PHF19: variants seen among roughly 807,000 people sequenced by gnomAD.
The protein encoded by PHF19 is polycomb like 3.
In PHF19, 21 loss-of-function variants were observed where a neutral mutation model predicts 79.8. That is an observed-to-expected ratio of 0.26 (90% CI 0.19 to 0.38). The LOEUF (loss-of-function observed/expected upper bound fraction) is 0.38. Ranked by LOEUF, PHF19 falls within the 10% of genes least tolerant of loss-of-function variation. The probability of loss-of-function intolerance (pLI) is 1.00; values close to 1 mark genes in which losing one functional copy is unlikely to be tolerated. For missense variants in PHF19, 445 were observed against 744.2 expected (o/e 0.60, Z 4.68); for synonymous variants, 273 against 296.3 (o/e 0.92, Z 0.81).
At position 120,862,767 on chromosome 9, in the gene PHF19, G is replaced by A; in HGVS notation, c.969-18C>T. On this transcript the variant is annotated intron_variant, in intron 10 of 14. Transcript: ENST00000373896. This position sits in a 1 kb window ranked among gnomAD's most constrained non-coding sequence, Gnocchi z 4.6. ...AGAGGAACCTGGGGGTGGGCAGTGG[G>A]AGGAAGAAGCTCTGGAGTCTGTCAG... The A allele has an allele frequency of 6.2e-7, 1 of 1,613,544 alleles. No individual in the cohort carries two copies.
intron 1 of PHF19, among the ~76,000 whole-genome samples, chr9:120,875,248 G>A (rs993662198): frequency 1.3e-5 from 2 of 152,160 alleles, no homozygotes; most frequent in Non-Finnish European, 2.9e-5. Flanking sequence ...AAACTGGGTG[G>A]CTTGTAGCTA....
At chr9:120,903,515 G>C in the PHF19 span, 1 of 152,346 alleles carries the variant, frequency 6.6e-6, no homozygotes, top group Admixed American at 6.5e-5. Context: ...CATTTTTATA[G>C]AAGCAACCCT....
At chr9:120,859,214 G>T (rs1324061213) in intron 14 of PHF19, among the ~76,000 whole-genome samples, 1 of 150,630 alleles carries the variant, frequency 6.6e-6, no homozygotes, top group East Asian at 1.9e-4. Context: ...GACCTCTACA[G>T]GCATTATACC....
Position 120,872,037 on chromosome 9 carries a change from C to CAAAAAAAAAGAAAA in PHF19, c.269-1500_269-1499insTTTTCTTTTTTTTT, listed in dbSNP as rs2045912428. 7.5e-3 allele frequency among the ~76,000 whole-genome samples: 228 copies of CAAAAAAAAAGAAAA among 30,320 alleles called. 3 individuals carry two copies. The highest frequency in any genetic ancestry group is 0.012 in the African/African-American group (94 of 7,532). 19.9% of individuals were successfully genotyped at this position (30,320 alleles called of 152,430 possible). A position where few individuals can be genotyped will look rare whatever the true frequency, so the allele number is the denominator to read the frequency against. ...TGGGTGACAGAGCAAGACTCTGTCTCAAAAAAAAAAAAAAAAAAAAAAAAA... is the reference window on the plus strand; with the variant it reads ...TGGGTGACAGAGCAAGACTCTGTCTCAAAAAAAAAGAAAAAAAAAAAAAAAAAAAAAAAAAAAAA... On this transcript the variant is annotated intron_variant, in intron 3 of 14. Coordinates refer to ENST00000373896, the MANE Select transcript of PHF19 (RefSeq NM_015651.3).
At chr9:120,876,692 T>C (rs1011646419) in intron 1 of PHF19, among the ~76,000 whole-genome samples, 4 of 152,136 alleles carry the variant, frequency 2.6e-5, no homozygotes, top group African/African-American at 9.7e-5. Context: ...GGGAAAAAGC[T>C]TGCAGAAGCA....
chr9:120,879,915 T>C (rs983202097), upstream of PHF19, among the ~76,000 whole-genome samples: 27 of 152,124 alleles, frequency 1.8e-4, 1 homozygote, highest in African/African-American at 6.0e-4. Flanking sequence ...CTCAACCTTA[T>C]TGGCCACGTG....
chr9:120,881,139 TC>T (rs1226334772), upstream of PHF19, among the ~76,000 whole-genome samples: 3 of 99,254 alleles, frequency 3.0e-5, no homozygotes, highest in Non-Finnish European at 2.0e-5. Context: ...AGGAAGCACA[TC>T]GGGGGTTTGT....
rs146500745 is a variant in PHF19, at chr9:120,872,111, A to G, written c.269-1573T>C. 1.7e-3 allele frequency among the ~76,000 whole-genome samples: 255 copies of G among 148,066 alleles called. 2 individuals carry two copies. The highest frequency in any genetic ancestry group is 0.013 in the East Asian group (65 of 4,874). On this transcript the variant is annotated intron_variant, in intron 3 of 14. Coordinates refer to ENST00000373896, the MANE Select transcript of PHF19 (RefSeq NM_015651.3). The stretch of plus-strand genomic sequence containing the variant: ...TCTCTGTATCCCCAGGACCTCATAG[A>G]GTGTGGCATGTAACAGGTGTTCCAA...
chr9:120,875,340 A>G (rs1167295625), intron 1 of PHF19, among the ~76,000 whole-genome samples: 2 of 152,158 alleles, frequency 1.3e-5, no homozygotes, highest in East Asian at 3.8e-4. Flanking sequence ...CAATTCTGGG[A>G]CATTTAAACC....
Position 120,877,179 on chromosome 9 carries a change from C to G in PHF19, c.-104G>C, listed in dbSNP as rs961989343. 7.6e-5 allele frequency: 75 copies of G among 983,882 alleles called. No individual in the cohort carries two copies. The African/African-American group carries it at 1.3e-3, about 17-fold the overall frequency. 60.9% of individuals were successfully genotyped at this position (983,882 alleles called of 1,614,324 possible). Reference sequence around the variant, plus strand: ...GCGGCTGCGCTCGGCCCGCGGCTGCCCGGCCGAGTGTCCGCCCGTGGGGCC... The same window carrying G: ...GCGGCTGCGCTCGGCCCGCGGCTGCGCGGCCGAGTGTCCGCCCGTGGGGCC... On this transcript the variant is annotated 5_prime_UTR_variant, in exon 1 of 15. Coordinates refer to ENST00000373896, the MANE Select transcript of PHF19 (RefSeq NM_015651.3).
In PHF19 at chr9:120,862,845, T is replaced by C. The variant is rs2045574962; in HGVS notation, c.969-96A>G. 4.3e-6 allele frequency: 5 copies of C among 1,173,998 alleles called. No homozygotes were observed. The Admixed American group carries it at 9.1e-5, about 21-fold the overall frequency. 72.7% of individuals were successfully genotyped at this position (1,173,998 alleles called of 1,614,324 possible). A position where few individuals can be genotyped will look rare whatever the true frequency, so the allele number is the denominator to read the frequency against. Reference sequence around the variant, plus strand: ...CATGACACAAGCCTCTCTGCCTCCTTGGACCCAGAGCTAAAATCCGGATGG... The same window carrying C: ...CATGACACAAGCCTCTCTGCCTCCTCGGACCCAGAGCTAAAATCCGGATGG... On this transcript the variant is annotated intron_variant, in intron 10 of 14. Coordinates refer to ENST00000373896, the MANE Select transcript of PHF19 (RefSeq NM_015651.3). This position sits in a 1 kb window ranked among gnomAD's most constrained non-coding sequence, Gnocchi z 4.6.
Position 120,860,819 on chromosome 9 carries a change from T to G in PHF19, c.1304+270A>C, listed in dbSNP as rs2045498670. ...GGGCTAGGGCAAGGCAAAGGGTATCTCAGGCAGAGGGAGCAATACGAGCAA... is the reference window on the plus strand; with the variant it reads ...GGGCTAGGGCAAGGCAAAGGGTATCGCAGGCAGAGGGAGCAATACGAGCAA... On this transcript the variant is annotated intron_variant, in intron 13 of 14. Transcript: ENST00000373896. This position sits in a 1 kb window ranked among gnomAD's most constrained non-coding sequence, Gnocchi z 4.1. 1 of 396,464 alleles carries G rather than the reference T, an allele frequency of 2.5e-6. No individual in the cohort carries two copies. The allele number at this position is 396,464 out of a possible 1,614,324, so 24.6% of individuals were successfully genotyped here. A position where few individuals can be genotyped will look rare whatever the true frequency, so the allele number is the denominator to read the frequency against.
At chr9:120,858,466 A>G (rs1588084747) in intron 14 of PHF19, among the ~76,000 whole-genome samples, 180 bp from the exon 15 acceptor site, 1 of 152,160 alleles carries the variant, frequency 6.6e-6, no homozygotes, top group Admixed American at 6.5e-5. Flanking sequence ...TCCCTGAGAT[A>G]ATCTATGCCT....
rs2045374752 is a variant in PHF19, at chr9:120,856,958, T to C, written c.*986A>G. 2 of 152,736 alleles carry C rather than the reference T, an allele frequency of 1.3e-5. No individual in the cohort carries two copies. Among genetic ancestry groups the C allele is most frequent in the Non-Finnish European group, 1.5e-5 (1 of 68,214 alleles). 9.5% of individuals were successfully genotyped at this position (152,736 alleles called of 1,614,324 possible). On this transcript the variant is annotated 3_prime_UTR_variant, in exon 15 of 15. Coordinates refer to ENST00000373896, the MANE Select transcript of PHF19 (RefSeq NM_015651.3). Reference sequence around the variant, plus strand: ...GGCTCTGTGTGTGTACACTTGGGCATGTGGTGGTGTGGCCGTGTGGGGTTG... The same window carrying C: ...GGCTCTGTGTGTGTACACTTGGGCACGTGGTGGTGTGGCCGTGTGGGGTTG...
At chr9:120,895,460 G>A (rs184586997), upstream of PHF19, among the ~76,000 whole-genome samples, 480 of 145,720 alleles carry the variant, frequency 3.3e-3, no homozygotes, top group African/African-American at 0.011. Context: ...GAGAAACTCT[G>A]TCTCAAAAGA....
chr9:120,894,694 G>A lies in PHF19; in HGVS notation c.42+94C>T, dbSNP rs1483469527. The A allele has an allele frequency of 2.1e-5, 10 of 482,122 alleles. No homozygotes were observed. In the East Asian group the frequency reaches 4.0e-4, roughly 19 times the overall value. 29.9% of individuals were successfully genotyped at this position (482,122 alleles called of 1,614,324 possible). On this transcript the variant is annotated intron_variant, in intron 1 of 14. Coordinates refer to the PHF19 transcript ENST00000616568. ...TTGGAATGCGAGCGCCGCTCAATGCGTTCCATATGGCGGCGGCGCGGGCCC... is the reference window on the plus strand; with the variant it reads ...TTGGAATGCGAGCGCCGCTCAATGCATTCCATATGGCGGCGGCGCGGGCCC...
Position 120,862,838 on chromosome 9 carries a change from G to T in PHF19, c.969-89C>A. 3 of 1,249,978 alleles carry T rather than the reference G, an allele frequency of 2.4e-6. No homozygotes were observed. Among genetic ancestry groups the T allele is most frequent in the Non-Finnish European group, 2.3e-6 (2 of 862,152 alleles). The allele number at this position is 1,249,978 out of a possible 1,614,324, so 77.4% of individuals were successfully genotyped here. ...GGTCAAGCATGACACAAGCCTCTCTGCCTCCTTGGACCCAGAGCTAAAATC... is the reference window on the plus strand; with the variant it reads ...GGTCAAGCATGACACAAGCCTCTCTTCCTCCTTGGACCCAGAGCTAAAATC... On this transcript the variant is annotated intron_variant, in intron 10 of 14. Coordinates refer to ENST00000373896, the MANE Select transcript of PHF19 (RefSeq NM_015651.3). This position sits in a 1 kb window ranked among gnomAD's most constrained non-coding sequence, Gnocchi z 4.6.
chr9:120,875,675 C>T (rs2046026200), intron 1 of PHF19, among the ~76,000 whole-genome samples: 1 of 152,186 alleles, frequency 6.6e-6, no homozygotes, highest in African/African-American at 2.4e-5. Context: ...TTTCCTGGGC[C>T]TTGTGCTTAC....
At chr9:120,883,897 A>T (rs540048377) in intron 1 of PHF19, among the ~76,000 whole-genome samples, 1 of 152,160 alleles carries the variant, frequency 6.6e-6, no homozygotes, top group Non-Finnish European at 1.5e-5. Flanking sequence ...TCAGACCACA[A>T]TGACCTCTAA....
Sources: gnomAD v4.1 joint callset for allele counts (sites outside exome capture counted in the v4.1 genomes callset) on GRCh38, gnomAD v4.1.1 for gene constraint, Gnocchi (gnomAD v3.1) non-coding constraint, MANE v1.5 for transcripts, NCBI Gene and HGNC (gene_info 2026-07-23, HGNC 2026-07-21) for gene names.